Variants in SGCD observed in about 807,000 individuals in gnomAD.
The protein encoded by SGCD is sarcoglycan delta.
Under a neutral mutation model 36.6 loss-of-function variants are expected in SGCD, and 18 were observed. The ratio of observed to expected loss-of-function variants is 0.49; its 90% confidence interval spans 0.34 to 0.73. The LOEUF (loss-of-function observed/expected upper bound fraction) is 0.73, where lower values mean the gene tolerates loss of function less well. Among genes scored for constraint, SGCD ranks in the 30% least tolerant of loss-of-function variants. The pLI is 0.01. For synonymous variants in SGCD, 133 were observed against 130.6 expected (o/e 1.02, Z -0.12); for missense variants, 387 against 346.7 (o/e 1.12, Z -0.92).
chr5:156,516,506 C>T (rs1022578898), intron 4 of SGCD, among the ~76,000 whole-genome samples: 2 of 152,160 alleles, frequency 1.3e-5, no homozygotes, highest in Admixed American at 6.5e-5. Flanking sequence ...AAAACCCTAT[C>T]CAAAGGTCAG....
At chr5:156,710,749 A>G (rs1458624209) in intron 7 of SGCD, among the ~76,000 whole-genome samples, 1 of 152,218 alleles carries the variant, frequency 6.6e-6, no homozygotes, top group African/African-American at 2.4e-5. Context: ...AGTTCTTACA[A>G]TGTAGATGAA....
upstream of SGCD, among the ~76,000 whole-genome samples, chr5:156,323,602 T>G (rs1292595186): frequency 6.6e-6 from 1 of 152,212 alleles, no homozygotes; most frequent in African/African-American, 2.4e-5. Flanking sequence ...GAGCTTATAT[T>G]CAAGTGAAGA....
intron 4 of SGCD, among the ~76,000 whole-genome samples, chr5:156,534,196 A>G (rs868140449): frequency 1.1e-4 from 17 of 149,918 alleles, no homozygotes; most frequent in Admixed American, 4.0e-4. Flanking sequence ...TTTGGCATGA[A>G]GATTTACATG....
chr5:155,734,722 T>A, the SGCD span, among the ~76,000 whole-genome samples: 3 of 152,222 alleles, frequency 2.0e-5, no homozygotes, highest in African/African-American at 7.2e-5. Context: ...GGATAATTTT[T>A]AGGTGGTGAA....
chr5:155,982,400 A>C (rs1758247162), intron 1 of SGCD, among the ~76,000 whole-genome samples: 1 of 152,228 alleles, frequency 6.6e-6, no homozygotes. Flanking sequence ...CTGGTTTTGC[A>C]GTATATTTTA....
intron 1 of SGCD, among the ~76,000 whole-genome samples, chr5:156,109,161 A>G (rs912488481): frequency 6.6e-6 from 1 of 152,068 alleles, no homozygotes; most frequent in African/African-American, 2.4e-5. Flanking sequence ...TTAACACAAA[A>G]CTGATAGGTC....
chr5:156,227,819 C>T lies in SGCD; in HGVS notation c.-43-101715C>T, dbSNP rs1023807120. Among the ~76,000 whole-genome samples the T allele has an allele frequency of 7.2e-5, 11 of 152,054 alleles. 1 individual carries two copies. In the South Asian group the frequency reaches 1.3e-3, roughly 17 times the overall value. On this transcript the variant is annotated intron_variant, in intron 3 of 9. Transcript: ENST00000517913. Reference sequence around the variant, plus strand: ...TCTTAACACCACCTTTGCTGTCTCCCGGGGGTTTTGATAGGTTGTGTCACT... The same window carrying T: ...TCTTAACACCACCTTTGCTGTCTCCTGGGGGTTTTGATAGGTTGTGTCACT...
chr5:156,687,811 A>C (rs1162324711), intron 7 of SGCD, among the ~76,000 whole-genome samples: 1 of 152,200 alleles, frequency 6.6e-6, no homozygotes, highest in Non-Finnish European at 1.5e-5. Flanking sequence ...TCCCAAGCTG[A>C]TCACCATGTT....
At chr5:155,829,017 T>C in the SGCD span, among the ~76,000 whole-genome samples, 1 of 152,234 alleles carries the variant, frequency 6.6e-6, no homozygotes, top group Admixed American at 6.5e-5. Context: ...CTATTTTGTC[T>C]TTGCATGGTT....
chr5:156,572,070 A>G (rs73299107), intron 4 of SGCD, among the ~76,000 whole-genome samples: 4,857 of 152,332 alleles, frequency 0.032, 268 homozygotes, highest in African/African-American at 0.11. Flanking sequence ...ATGCTGTAGC[A>G]TGTATCATAC....
At chr5:155,883,793 C>CAAAAAAAA (rs34250962) in intron 1 of SGCD, among the ~76,000 whole-genome samples, 195 of 83,344 alleles carry the variant, frequency 2.3e-3, no homozygotes, top group African/African-American at 8.1e-3. Flanking sequence ...CTTCAATTTG[C>CAAAAAAAA]AAAAAAAAAA....
At chr5:155,999,077 T>A (rs1758613495) in intron 1 of SGCD, among the ~76,000 whole-genome samples, 1 of 152,188 alleles carries the variant, frequency 6.6e-6, no homozygotes, top group Non-Finnish European at 1.5e-5. Context: ...CCCACTTTAA[T>A]GGGTTAAGCA....
At chr5:155,924,903 C>T (rs896426388) in intron 1 of SGCD, among the ~76,000 whole-genome samples, 1 of 152,128 alleles carries the variant, frequency 6.6e-6, no homozygotes, top group Non-Finnish European at 1.5e-5. Flanking sequence ...ATTGCAGTCA[C>T]TCTCTGAAAA....
intron 6 of SGCD, among the ~76,000 whole-genome samples, chr5:156,639,214 T>C (rs1762940208): frequency 6.6e-6 from 1 of 152,096 alleles, no homozygotes; most frequent in African/African-American, 2.4e-5. Context: ...ATCCTCACAA[T>C]AGGTTTATGA....
chr5:156,497,170 A>ACTCTCTCTCTCTCTCTCT (rs10559912), intron 3 of SGCD, among the ~76,000 whole-genome samples: 1 of 145,278 alleles, frequency 6.9e-6, no homozygotes, highest in Admixed American at 7.0e-5. Flanking sequence ...ACTCTCCTGC[A>ACTCTCTCTCTCTCTCTCT]CTCTCTCTCT....
Position 156,167,040 on chromosome 5 carries a change from A to T in SGCD, c.-44+43021A>T, listed in dbSNP as rs555706492. ...TCTCCTTCCCTAATTCTGAGGCCTGACCCATTCTCCAATTTAGCATCTCCA... is the reference window on the plus strand; with the variant it reads ...TCTCCTTCCCTAATTCTGAGGCCTGTCCCATTCTCCAATTTAGCATCTCCA... On this transcript the variant is annotated intron_variant, in intron 3 of 9. Coordinates refer to the SGCD transcript ENST00000517913. Among the ~76,000 whole-genome samples, 89 of 151,992 alleles carry T rather than the reference A, an allele frequency of 5.9e-4. 1 individual carries two copies. In the South Asian group the frequency reaches 0.018, roughly 31 times the overall value.
intron 7 of SGCD, among the ~76,000 whole-genome samples, chr5:156,743,723 T>C (rs1756806298): frequency 6.6e-6 from 1 of 152,212 alleles, no homozygotes; most frequent in Non-Finnish European, 1.5e-5. Flanking sequence ...ATCCAATACA[T>C]TTCTTAAGTC....
chr5:156,573,027 C>A (rs1209857951), intron 4 of SGCD, among the ~76,000 whole-genome samples: 3 of 151,998 alleles, frequency 2.0e-5, no homozygotes, highest in African/African-American at 7.2e-5. Context: ...AATGCTTCTT[C>A]AATAATGGTC....
chr5:155,924,361 A>G (rs960070621), intron 1 of SGCD, among the ~76,000 whole-genome samples: 2 of 152,194 alleles, frequency 1.3e-5, no homozygotes, highest in Non-Finnish European at 2.9e-5. Flanking sequence ...ATGTCTTGCT[A>G]TAGCAGGAGA....
Sources: gnomAD v4.1 joint callset for allele counts (sites outside exome capture counted in the v4.1 genomes callset) on GRCh38, gnomAD v4.1.1 for gene constraint, MANE v1.5 for transcripts, NCBI Gene and HGNC (gene_info 2026-07-23, HGNC 2026-07-21) for gene names.